The following EYS variants were observed in gnomAD, a reference collection of about 807,000 sequenced individuals.
The protein encoded by EYS is protein eyes shut homolog.
In EYS, 250 loss-of-function variants were observed where a neutral mutation model predicts 282.1. That is an observed-to-expected ratio of 0.89 (90% CI 0.80 to 0.98). The LOEUF is 0.98. EYS is among the 50% of genes least tolerant of loss of function. EYS has a pLI of 0.00. For missense variants in EYS, 4,016 were observed against 3,709.0 expected (o/e 1.08, Z -2.15); for synonymous variants, 1,355 against 1,282.9 (o/e 1.06, Z -1.20).
chr6:63,776,471 C>T (rs909519002), intron 40 of EYS, among the ~76,000 whole-genome samples: 2 of 152,020 alleles, frequency 1.3e-5, no homozygotes, highest in African/African-American at 4.8e-5. Flanking sequence ...GGCTTATTTT[C>T]CCCCTATAAT....
chr6:64,810,624 T>C (rs1163940690), intron 22 of EYS, among the ~76,000 whole-genome samples: 1 of 152,080 alleles, frequency 6.6e-6, no homozygotes, highest in Non-Finnish European at 1.5e-5. Flanking sequence ...AAATTTCAAT[T>C]GGAAAAAATA....
chr6:65,674,838 T>C (rs1171506367), intron 1 of EYS, among the ~76,000 whole-genome samples: 2 of 152,036 alleles, frequency 1.3e-5, no homozygotes, highest in Admixed American at 6.6e-5. Flanking sequence ...TACAGAATCC[T>C]TCAATACTAT....
chr6:64,977,439 C>T (rs913479974), intron 14 of EYS, among the ~76,000 whole-genome samples: 1 of 151,876 alleles, frequency 6.6e-6, no homozygotes, highest in African/African-American at 2.4e-5. Flanking sequence ...CTCTAGCTCT[C>T]TCCCTCTGCT....
chr6:65,147,149 A>G lies in EYS; in HGVS notation c.2024-89422T>C, dbSNP rs183761426. Among the ~76,000 whole-genome samples, 97 of 152,124 alleles carry G rather than the reference A, an allele frequency of 6.4e-4. 1 individual carries two copies. Among genetic ancestry groups the G allele is most frequent in the African/African-American group, 2.1e-3 (89 of 41,548 alleles). ...ATTTCTACTTTTATTAGATATGACT[A>G]AAGATGGTGACATGAGCATATCTAA... On this transcript the variant is annotated intron_variant, in intron 12 of 42. Coordinates refer to ENST00000503581, the MANE Select transcript of EYS (RefSeq NM_001142800.2).
intron 12 of EYS, among the ~76,000 whole-genome samples, chr6:65,240,840 G>C (rs2150275662): frequency 6.6e-6 from 1 of 152,250 alleles, no homozygotes; most frequent in East Asian, 1.9e-4. Flanking sequence ...TCTGTTCGAA[G>C]TTCTTTGAGA....
At chr6:65,416,781 T>C (rs1767258405) in intron 5 of EYS, among the ~76,000 whole-genome samples, 1 of 152,012 alleles carries the variant, frequency 6.6e-6, no homozygotes, top group Non-Finnish European at 1.5e-5. Context: ...AGAATGAAGC[T>C]ATTATACTCT....
chr6:64,896,338 G>T (rs575648125), intron 18 of EYS, among the ~76,000 whole-genome samples: 1 of 152,038 alleles, frequency 6.6e-6, no homozygotes, highest in Non-Finnish European at 1.5e-5. Context: ...GGGGTCAGGG[G>T]CCTCCCTCCC....
At chr6:64,148,578 G>A (rs1774598679) in intron 31 of EYS, among the ~76,000 whole-genome samples, 1 of 152,064 alleles carries the variant, frequency 6.6e-6, no homozygotes, top group African/African-American at 2.4e-5. Context: ...CAAAATAACA[G>A]TTGAGTGTTT....
At chr6:65,221,755 C>A (rs1033941982) in intron 12 of EYS, among the ~76,000 whole-genome samples, 4 of 152,100 alleles carry the variant, frequency 2.6e-5, no homozygotes, top group African/African-American at 9.7e-5. Flanking sequence ...TTGCACCATG[C>A]ACCTAGAAAA....
At chr6:64,724,071 T>G (rs79468695) in intron 22 of EYS, among the ~76,000 whole-genome samples, 3,879 of 151,824 alleles carry the variant, frequency 0.026, 122 homozygotes, top group East Asian at 0.14. Context: ...CATTGTTGTT[T>G]TTTTTTTTGT....
At chr6:64,391,797 G>A (rs1773159076) in intron 28 of EYS, among the ~76,000 whole-genome samples, 1 of 152,080 alleles carries the variant, frequency 6.6e-6, no homozygotes, top group South Asian at 2.1e-4. Context: ...AATGTAAATG[G>A]GCTAAATGCT....
intron 41 of EYS, among the ~76,000 whole-genome samples, chr6:63,751,241 C>T (rs1769333782): frequency 6.6e-6 from 1 of 152,102 alleles, no homozygotes; most frequent in Non-Finnish European, 1.5e-5. Context: ...ATAATCTTTG[C>T]AGATAAAATT....
intron 2 of EYS, among the ~76,000 whole-genome samples, chr6:65,513,027 A>AGGTC (rs1304929170): frequency 6.6e-6 from 1 of 152,202 alleles, no homozygotes; most frequent in Non-Finnish European, 1.5e-5. Flanking sequence ...GATCAACAAA[A>AGGTC]TTGATAGACC....
chr6:63,808,900 T>C (rs754059222), intron 36 of EYS, among the ~76,000 whole-genome samples: 1 of 152,190 alleles, frequency 6.6e-6, no homozygotes, highest in Non-Finnish European at 1.5e-5. Flanking sequence ...TAAAATATAT[T>C]ACTAAAATAA....
At chr6:65,660,440 G>T (rs1275635664) in intron 1 of EYS, among the ~76,000 whole-genome samples, 1 of 151,748 alleles carries the variant, frequency 6.6e-6, no homozygotes, top group Non-Finnish European at 1.5e-5. Context: ...TAGGTAAGGA[G>T]TGGAAAAGCG....
At chr6:64,826,504 C>T (rs1440740628) in intron 19 of EYS, among the ~76,000 whole-genome samples, 2 of 151,580 alleles carry the variant, frequency 1.3e-5, no homozygotes, top group South Asian at 2.1e-4. Flanking sequence ...CTTTACTAGT[C>T]CGCCTCAACA....
chr6:64,646,024 T>C (rs566540982), intron 22 of EYS, among the ~76,000 whole-genome samples: 1 of 152,318 alleles, frequency 6.6e-6, no homozygotes, highest in African/African-American at 2.4e-5. Flanking sequence ...TTTGAAATAT[T>C]AATATTGAAA....
At chr6:64,734,400 T>C (rs1023251314) in intron 22 of EYS, among the ~76,000 whole-genome samples, 11 of 152,182 alleles carry the variant, frequency 7.2e-5, no homozygotes, top group African/African-American at 2.4e-4. Context: ...AGAGAAAAAC[T>C]AGATATCTGG....
intron 30 of EYS, among the ~76,000 whole-genome samples, chr6:64,295,504 A>AAG (rs1442538275): frequency 1.4e-4 from 6 of 44,406 alleles, no homozygotes; most frequent in African/African-American, 8.0e-4. Flanking sequence ...AAGAAAGAAG[A>AAG]AAGAAGAAAG....
Sources: gnomAD v4.1 joint callset for allele counts (sites outside exome capture counted in the v4.1 genomes callset) on GRCh38, gnomAD v4.1.1 for gene constraint, MANE v1.5 for transcripts, NCBI Gene and HGNC (gene_info 2026-07-23, HGNC 2026-07-21) for gene names.